The following BORCS8 variants were observed in gnomAD, a reference collection of about 807,000 sequenced individuals.
The protein encoded by BORCS8 is BLOC-1-related complex subunit 8.
BORCS8 carries 13 observed loss-of-function variants against 18.7 expected under a neutral mutation model. The ratio of observed to expected loss-of-function variants is 0.70; its 90% CI spans 0.45 to 1.11. The LOEUF (loss-of-function observed/expected upper bound fraction) is 1.11. Ranked by LOEUF, BORCS8 falls within the 50% of genes least tolerant of loss-of-function variation. The probability of loss-of-function intolerance (pLI) is 0.00; values close to 1 mark genes in which losing one functional copy is unlikely to be tolerated. For missense variants in BORCS8, 165 were observed against 165.7 expected, an observed-to-expected ratio of 1.00 and a Z score of 0.02; for synonymous variants, 68 against 64.8, an observed-to-expected ratio of 1.05 and a Z score of -0.24.
intron 1 of BORCS8, among the ~76,000 whole-genome samples, chr19:19,190,719 C>T (rs1025952663): frequency 3.3e-5 from 5 of 151,928 alleles, no homozygotes; most frequent in Admixed American, 2.0e-4. Flanking sequence ...ACCCGGGAGG[C>T]GGAGGTTGCC....
chr19:19,188,016 C>CATTTATTTATTTATTT (rs138094517), intron 1 of BORCS8, among the ~76,000 whole-genome samples: 2 of 150,534 alleles, frequency 1.3e-5, no homozygotes, highest in African/African-American at 4.9e-5. Context: ...CTAGTTTTTT[C>CATTTATTTATTTATTT]ATTTATTTAT....
chr19:19,187,066 G>C, intron 1 of BORCS8, 61 bp from the exon 2 acceptor site: 1 of 1,337,300 alleles, frequency 7.5e-7, no homozygotes, highest in Non-Finnish European at 1.0e-6. Context: ...CCTCCTCATT[G>C]CTCAAGTGTT....
At chr19:19,187,514 T>G (rs552225138) in intron 1 of BORCS8, among the ~76,000 whole-genome samples, 1 of 149,558 alleles carries the variant, frequency 6.7e-6, no homozygotes, top group East Asian at 2.0e-4. Context: ...GAGGACATAA[T>G]GAGTGATGAG....
Position 19,182,433 on chromosome 19 carries a change from A to C in BORCS8, c.326+140T>G, listed in dbSNP as rs2060358043. 5 of 1,440,098 alleles carry C rather than the reference A, an allele frequency of 3.5e-6. No homozygotes were observed. The highest frequency in any genetic ancestry group is 4.6e-6 in the Non-Finnish European group (5 of 1,097,536). The allele number at this position is 1,440,098 out of a possible 1,614,324, so 89.2% of individuals were successfully genotyped here. On this transcript the variant is annotated intron_variant, in intron 4 of 5. Transcript: ENST00000462790. The surrounding 1 kb of genome is among the most constrained non-coding windows in gnomAD (Gnocchi z 4.1). ...GAACTCAGGTTATAGATGCCACAGG[A>C]CAAGAGGAGGTCACCAGACACCAGG... is the stretch of plus-strand genomic sequence containing the variant.
At chr19:19,177,698 GAAAAGAAAAGAAAAGAA>G (rs1568562071) in intron 5 of BORCS8, 23 of 39,264 alleles carry the variant, frequency 5.9e-4, no homozygotes, top group African/African-American at 8.1e-4. Context: ...GGAAGGAAGA[GAAAAGAAAAGAAAAGAA>G]AAGAAAAGAA....
chr19:19,186,915 A>G lies in BORCS8; in HGVS notation c.128T>C (p.Leu43Pro), dbSNP rs1445521661. The G allele has an allele frequency of 6.5e-7, 1 of 1,550,012 alleles. No homozygotes were observed. The highest frequency in any genetic ancestry group is 1.2e-5 in the South Asian group (1 of 83,986). The part of the protein sequence containing the change: ...YRLQEHVRRS[L>P]PELAQHKADM... ...CACCTTGTGCTGGGCCAGCTCGGGG[A>G]GGGAGCGACGCACATGCTCCTGCAG... is the stretch of plus-strand genomic sequence containing the variant. Residue 43 changes from leucine to proline, a missense_variant, in exon 2 of 6, where the codon CTC becomes CCC. Leu to Pro is a moderately conservative substitution (Grantham distance 98, BLOSUM62 -3). Coordinates refer to ENST00000462790, the MANE Select transcript of BORCS8 (RefSeq NM_001145784.2).
intron 5 of BORCS8, chr19:19,177,700 A>AGGAAGGAAGG (rs1178540924): frequency 1.8e-5 from 1 of 54,430 alleles, no homozygotes; most frequent in African/African-American, 7.7e-5. Context: ...AAGGAAGAGA[A>AGGAAGGAAGG]AAGAAAAGAA....
chr19:19,185,681 G>C (rs1387128676), intron 3 of BORCS8, among the ~76,000 whole-genome samples: 1 of 152,168 alleles, frequency 6.6e-6, no homozygotes, highest in East Asian at 1.9e-4. Flanking sequence ...GTAAGATTCT[G>C]TCTCAAAAAA....
At chr19:19,178,978 GA>G (rs1206860109) in intron 5 of BORCS8, 3 of 150,044 alleles carry the variant, frequency 2.0e-5, no homozygotes, top group Admixed American at 6.7e-5. Flanking sequence ...AAAAAAGAGA[GA>G]AAAAAAAAGC....
At position 19,182,481 on chromosome 19, in the gene BORCS8, C is replaced by G. The variant is rs2060358570; in HGVS notation, c.326+92G>C. 3.4e-6 allele frequency: 5 copies of G among 1,478,326 alleles called. No homozygotes were observed. In the Admixed American group the frequency reaches 9.4e-5, roughly 28 times the overall value. The allele number at this position is 1,478,326 out of a possible 1,614,324, so 91.6% of individuals were successfully genotyped here. A position where few individuals can be genotyped will look rare whatever the true frequency, so the allele number is the denominator to read the frequency against. On this transcript the variant is annotated intron_variant, in intron 4 of 5. Coordinates refer to ENST00000462790, the MANE Select transcript of BORCS8 (RefSeq NM_001145784.2). The surrounding 1 kb of genome is among the most constrained non-coding windows in gnomAD (Gnocchi z 4.1). Reference sequence around the variant, plus strand: ...AGGACAAAAGGAAAGAGACAGTTTTCTAATAAGCGAGAAGCAGCGGTTCCC... The same window carrying G: ...AGGACAAAAGGAAAGAGACAGTTTTGTAATAAGCGAGAAGCAGCGGTTCCC...
chr19:19,180,740 G>A lies in BORCS8; in HGVS notation c.348C>T (p.Pro116=). The change falls in exon 5 of 6, where the codon CCC becomes CCT. Residue 116 remains proline, a synonymous_variant. Transcript: ENST00000462790. The stretch of plus-strand genomic sequence containing the variant: ...GTCTCTTCCAGGATCAGGCTGAGGA[G>A]GGCGGGGGTGGTTCCTCCGGGCTGC... The part of the protein sequence containing the change: ...QGHSPEEPPP[P]SSA 1 of 1,550,122 alleles carries A rather than the reference G, an allele frequency of 6.5e-7. No individual in the cohort carries two copies. Among genetic ancestry groups the A allele is most frequent in the Non-Finnish European group, 8.7e-7 (1 of 1,146,540 alleles).
intron 3 of BORCS8, among the ~76,000 whole-genome samples, chr19:19,185,228 G>A (rs1056396463): frequency 9.2e-5 from 14 of 152,186 alleles, no homozygotes; most frequent in East Asian, 3.8e-4. Context: ...TCATTCAGCC[G>A]CCAATAAAAT....
At chr19:19,188,259 G>A (rs1050907138) in intron 1 of BORCS8, among the ~76,000 whole-genome samples, 1 of 151,632 alleles carries the variant, frequency 6.6e-6, no homozygotes, top group Non-Finnish European at 1.5e-5. Context: ...TCGATCTCCT[G>A]ACCTCGTGAT....
chr19:19,177,732 A>AGAAAG (rs2060313233), intron 5 of BORCS8: 1 of 147,218 alleles, frequency 6.8e-6, no homozygotes, highest in African/African-American at 3.0e-5. Flanking sequence ...AGAAAAGAAA[A>AGAAAG]GAAAAGAAAA....
intron 1 of BORCS8, among the ~76,000 whole-genome samples, chr19:19,190,357 G>A (rs1213247804): frequency 6.6e-6 from 1 of 152,234 alleles, no homozygotes; most frequent in Non-Finnish European, 1.5e-5. Context: ...GCTCAGGAGA[G>A]AGAACCCAGG....
At chr19:19,189,678 C>A (rs572782197) in intron 1 of BORCS8, among the ~76,000 whole-genome samples, 1 of 152,076 alleles carries the variant, frequency 6.6e-6, no homozygotes, top group Non-Finnish European at 1.5e-5. Context: ...GTAATCCCAG[C>A]ACTTTGGCAG....
intron 3 of BORCS8, among the ~76,000 whole-genome samples, chr19:19,184,760 C>T (rs986031129): frequency 2.0e-5 from 3 of 151,898 alleles, no homozygotes; most frequent in African/African-American, 4.8e-5. Context: ...CCACCAGGCT[C>T]GGCTAGTTTT....
At chr19:19,184,909 T>C (rs2060391256) in intron 3 of BORCS8, among the ~76,000 whole-genome samples, 1 of 152,022 alleles carries the variant, frequency 6.6e-6, no homozygotes, top group Non-Finnish European at 1.5e-5. Flanking sequence ...CGTATTTCTT[T>C]CTTCTTTAGA....
At chr19:19,185,916 C>CA (rs1779010733) in intron 3 of BORCS8, 118 bp downstream of exon 3, 1 of 1,027,200 alleles carries the variant, frequency 9.7e-7, no homozygotes, top group East Asian at 2.6e-5. Flanking sequence ...CCCATACACC[C>CA]ACTCGGGTAG....
Sources: allele counts gnomAD v4.1 joint callset (sites outside exome capture counted in the v4.1 genomes callset), GRCh38; gene constraint gnomAD v4.1.1; non-coding constraint Gnocchi (gnomAD v3.1); transcripts MANE v1.5; gene names NCBI Gene and HGNC (gene_info 2026-07-23, HGNC 2026-07-21).